The following INTS6 variants were observed in gnomAD, a reference collection of about 807,000 sequenced individuals.
The protein encoded by INTS6 is integrator complex subunit 6.
INTS6 carries 16 observed loss-of-function variants against 104.9 expected under a neutral mutation model. That is an observed-to-expected ratio of 0.15 (90% CI 0.10 to 0.23). The LOEUF (loss-of-function observed/expected upper bound fraction) is 0.23. Ranked by LOEUF, INTS6 falls within the 10% of genes least tolerant of loss-of-function variation. The pLI is 1.00. For missense variants in INTS6, 584 were observed against 1,062.8 expected (o/e 0.55, Z 6.26); for synonymous variants, 324 against 358.7 (o/e 0.90, Z 1.09).
chr13:51,344,940 A>T, the INTS6 span, among the ~76,000 whole-genome samples: 1 of 152,286 alleles, frequency 6.6e-6, no homozygotes, highest in Admixed American at 6.5e-5. Flanking sequence ...ACACACAATA[A>T]GATGTTTAGC....
rs1381756489 is a variant in INTS6, at chr13:51,379,004, A to T, written c.1386+458T>A. 2.0e-5 allele frequency among the ~76,000 whole-genome samples: 3 copies of T among 152,190 alleles called. No individual in the cohort carries two copies. In the East Asian group the frequency reaches 5.8e-4, roughly 29 times the overall value. On this transcript the variant is annotated intron_variant, in intron 11 of 17. Transcript: ENST00000311234. ...ATAATTTCACAGTCAGTTAAACTAT[A>T]TACTGCTTGACTACTATAGTATTTA...
chr13:51,349,174 T>A (rs148628379), downstream of INTS6, among the ~76,000 whole-genome samples: 1 of 152,188 alleles, frequency 6.6e-6, no homozygotes, highest in Admixed American at 6.5e-5. Flanking sequence ...TGTTGTCCAG[T>A]AGCCACTAGA....
the INTS6 span, among the ~76,000 whole-genome samples, chr13:51,345,295 T>C: frequency 6.6e-6 from 1 of 152,146 alleles, no homozygotes; most frequent in Admixed American, 6.5e-5. Context: ...TTCAAAAGTT[T>C]CATAGCAATG....
chr13:51,428,027 A>G (rs1442234542), intron 4 of INTS6, among the ~76,000 whole-genome samples: 1 of 152,198 alleles, frequency 6.6e-6, no homozygotes, highest in Admixed American at 6.5e-5. Context: ...CCACAAAACA[A>G]ATTTTACAAA....
intron 3 of INTS6, chr13:51,446,698 T>C (rs1952926037): frequency 6.6e-6 from 1 of 152,156 alleles, no homozygotes; most frequent in Non-Finnish European, 1.5e-5. Context: ...ATGTGGTACA[T>C]ACAATAGAGT....
At chr13:51,431,543 C>G (rs1179514183) in intron 3 of INTS6, among the ~76,000 whole-genome samples, 5 of 152,182 alleles carry the variant, frequency 3.3e-5, no homozygotes, top group Non-Finnish European at 5.9e-5. Context: ...TATAACCTTT[C>G]TCTTACAACT....
In INTS6 at chr13:51,364,033, A is replaced by G. The variant is rs531105672; in HGVS notation, c.*1719T>C. 2.9e-6 allele frequency: 1 copy of G among 343,268 alleles called. No individual in the cohort carries two copies. Among genetic ancestry groups the G allele is most frequent in the South Asian group, 1.3e-4 (1 of 7,490 alleles). The allele number at this position is 343,268 out of a possible 1,614,324, so 21.3% of individuals were successfully genotyped here. On this transcript the variant is annotated 3_prime_UTR_variant, in exon 18 of 18. Coordinates refer to ENST00000311234, the MANE Select transcript of INTS6 (RefSeq NM_012141.3). ...CCTAGTAATTCCAGAATCTAAATAT[A>G]TATAATTTAGGAACAGACAATATAT...
At chr13:51,378,762 T>C (rs1370677717) in intron 11 of INTS6, among the ~76,000 whole-genome samples, 1 of 152,000 alleles carries the variant, frequency 6.6e-6, no homozygotes, top group Admixed American at 6.6e-5. Context: ...TAAACAAAAA[T>C]GTGTATTCCC....
intron 3 of INTS6, chr13:51,355,017 G>C (rs1318439941): frequency 5.9e-6 from 7 of 1,187,208 alleles, no homozygotes; most frequent in Admixed American, 4.0e-5. Context: ...AATTTTGAAA[G>C]TTGATGGTTT....
chr13:51,341,885 C>A, the INTS6 span, among the ~76,000 whole-genome samples: 154 of 152,332 alleles, frequency 1.0e-3, no homozygotes, highest in East Asian at 0.022. Flanking sequence ...CAAGCCCAGG[C>A]TGCCTGGTTT....
chr13:51,393,206 C>G (rs992592928), intron 5 of INTS6, among the ~76,000 whole-genome samples: 58 of 151,892 alleles, frequency 3.8e-4, no homozygotes, highest in African/African-American at 1.4e-3. Flanking sequence ...GCCTCCCGAA[C>G]AGCTGGGATT....
chr13:51,394,330 T>G (rs1956296578), intron 5 of INTS6, among the ~76,000 whole-genome samples: 1 of 152,182 alleles, frequency 6.6e-6, no homozygotes, highest in Non-Finnish European at 1.5e-5. Flanking sequence ...CAGCTTTCTA[T>G]CTATTTCACA....
In INTS6 at chr13:51,361,898, T is replaced by C. The variant is rs1232790790; in HGVS notation, c.*3854A>G. On this transcript the variant is annotated 3_prime_UTR_variant, in exon 18 of 18. Coordinates refer to ENST00000311234, the MANE Select transcript of INTS6 (RefSeq NM_012141.3). Reference sequence around the variant, plus strand: ...TCCTGAGAGAACCTAACACAGGTATTACAGTATTTTTTGACAGGATTCAGA... The same window carrying C: ...TCCTGAGAGAACCTAACACAGGTATCACAGTATTTTTTGACAGGATTCAGA... The C allele has an allele frequency of 6.2e-7, 1 of 1,611,670 alleles. No homozygotes were observed. Among genetic ancestry groups the C allele is most frequent in the Non-Finnish European group, 8.5e-7 (1 of 1,178,500 alleles).
chr13:51,398,669 C>A (rs1380824669), intron 4 of INTS6, among the ~76,000 whole-genome samples: 1 of 151,172 alleles, frequency 6.6e-6, no homozygotes, highest in African/African-American at 2.4e-5. Context: ...CATGAGCATA[C>A]CCTAAAACTC....
At chr13:51,399,629 C>T (rs142568810) in intron 4 of INTS6, among the ~76,000 whole-genome samples, 4 of 152,232 alleles carry the variant, frequency 2.6e-5, no homozygotes, top group Admixed American at 6.5e-5. Flanking sequence ...CTACTAGCAG[C>T]GTATAACAGA....
At chr13:51,383,187 T>A in intron 9 of INTS6, 142 bp downstream of exon 9, 2 of 643,346 alleles carry the variant, frequency 3.1e-6, no homozygotes, top group Non-Finnish European at 4.8e-6. Context: ...CAGATTGTTA[T>A]ATTTTCTTAA....
chr13:51,341,772 A>G, the INTS6 span, among the ~76,000 whole-genome samples: 9 of 152,296 alleles, frequency 5.9e-5, no homozygotes, highest in African/African-American at 2.2e-4. Flanking sequence ...GTTGAGGATG[A>G]TAATTTTATT....
At position 51,378,361 on chromosome 13, in the gene INTS6, A is replaced by T; in HGVS notation, c.1480T>A (p.Ser494Thr). Residue 494 changes from serine to threonine, a missense_variant, in exon 12 of 18, where the codon TCA becomes ACA. By Grantham distance (58) the Ser-to-Thr change is moderately conservative (BLOSUM62 1). Coordinates refer to ENST00000311234, the MANE Select transcript of INTS6 (RefSeq NM_012141.3). Reference sequence around the variant, plus strand: ...TGAAAATCTTTCCTATATGCCATTGATAAACCATGTGATCGGCTCCGGACT... The same window carrying T: ...TGAAAATCTTTCCTATATGCCATTGTTAAACCATGTGATCGGCTCCGGACT... ...IKVRSRSHGL[S>T]MAYRKDFQQL... 2 of 1,613,520 alleles carry T rather than the reference A, an allele frequency of 1.2e-6. No homozygotes were observed. The highest frequency in any genetic ancestry group is 1.7e-6 in the Non-Finnish European group (2 of 1,179,510).
At chr13:51,337,510 C>A in the INTS6 span, among the ~76,000 whole-genome samples, 7 of 152,206 alleles carry the variant, frequency 4.6e-5, no homozygotes, top group Non-Finnish European at 8.8e-5. Flanking sequence ...TAGAATCCTA[C>A]AGCCAAGAGG....
Sources: allele counts gnomAD v4.1 joint callset (sites outside exome capture counted in the v4.1 genomes callset), GRCh38; gene constraint gnomAD v4.1.1; transcripts MANE v1.5; gene names NCBI Gene and HGNC (gene_info 2026-07-23, HGNC 2026-07-21).